The following VTA1 variants were observed in gnomAD, a reference collection of about 807,000 sequenced individuals.
The protein encoded by VTA1 is vesicle trafficking 1, also known as vacuolar protein sorting-associated protein VTA1 homolog.
Under a neutral mutation model 36.9 loss-of-function variants are expected in VTA1, and 24 were observed. That is an observed-to-expected ratio of 0.65 (90% CI 0.47 to 0.91). VTA1 has a LOEUF of 0.91. Ranked by LOEUF, VTA1 falls within the 40% of genes least tolerant of loss-of-function variation. VTA1 has a pLI of 0.00. For synonymous variants in VTA1, 142 were observed against 130.2 expected, an observed-to-expected ratio of 1.09 and a Z score of -0.62; for missense variants, 393 against 377.2, an observed-to-expected ratio of 1.04 and a Z score of -0.35.
intron 3 of VTA1, 23 bp from the exon 4 acceptor site, chr6:142,170,323 G>T: frequency 7.1e-7 from 1 of 1,404,472 alleles, no homozygotes; most frequent in Non-Finnish European, 9.4e-7. Flanking sequence ...ATTTAAACTA[G>T]ACCGCTCTCT....
At chr6:142,180,962 T>C (rs890275311) in intron 4 of VTA1, among the ~76,000 whole-genome samples, 8 of 151,058 alleles carry the variant, frequency 5.3e-5, no homozygotes, top group Non-Finnish European at 1.2e-4. Context: ...ATTGGGACTG[T>C]GGATCAGACT....
At chr6:142,195,354 A>G (rs1006405936) in intron 5 of VTA1, among the ~76,000 whole-genome samples, 3 of 151,962 alleles carry the variant, frequency 2.0e-5, no homozygotes, top group Non-Finnish European at 4.4e-5. Context: ...AGGTAGTGCC[A>G]TTTATTGGCG....
At chr6:142,196,189 T>A (rs1775549136) in intron 5 of VTA1, among the ~76,000 whole-genome samples, 2 of 152,212 alleles carry the variant, frequency 1.3e-5, no homozygotes, top group South Asian at 4.1e-4. Flanking sequence ...TGGTTACGAA[T>A]TCTATTTGGC....
chr6:142,187,423 A>G (rs1049739115), intron 4 of VTA1, among the ~76,000 whole-genome samples: 1 of 152,250 alleles, frequency 6.6e-6, no homozygotes, highest in East Asian at 1.9e-4. Flanking sequence ...AGCAAGAGCA[A>G]TTCCTCAAAT....
intron 2 of VTA1, among the ~76,000 whole-genome samples, chr6:142,169,188 A>G (rs890195858): frequency 6.6e-6 from 1 of 152,180 alleles, no homozygotes; most frequent in African/African-American, 2.4e-5. Flanking sequence ...TTATTTTCTA[A>G]TTCTATTTTT....
chr6:142,218,056 C>T (rs1161511549), intron 7 of VTA1, among the ~76,000 whole-genome samples: 3 of 152,026 alleles, frequency 2.0e-5, no homozygotes, highest in African/African-American at 7.2e-5. Context: ...TACTCTCATG[C>T]TTAAAACAAG....
chr6:142,206,746 A>G (rs1429225733), intron 7 of VTA1, among the ~76,000 whole-genome samples: 2 of 152,332 alleles, frequency 1.3e-5, no homozygotes, highest in East Asian at 1.9e-4. Flanking sequence ...AGAAGAACAG[A>G]CAAATAGATC....
intron 1 of VTA1, among the ~76,000 whole-genome samples, chr6:142,150,308 C>G (rs903839578): frequency 6.6e-6 from 1 of 152,204 alleles, no homozygotes; most frequent in African/African-American, 2.4e-5. Context: ...CCAGCGCTCT[C>G]CAAACTGGAG....
chr6:142,164,901 A>G (rs1270915766), intron 1 of VTA1, among the ~76,000 whole-genome samples: 1 of 152,208 alleles, frequency 6.6e-6, no homozygotes, highest in Non-Finnish European at 1.5e-5. Flanking sequence ...CAGCAAACCA[A>G]ATAGACTAAT....
At chr6:142,188,559 A>C (rs571460386) in intron 4 of VTA1, among the ~76,000 whole-genome samples, 56 of 152,230 alleles carry the variant, frequency 3.7e-4, no homozygotes, top group African/African-American at 1.3e-3. Flanking sequence ...TGTGCGTATA[A>C]ATCACCTGGT....
In VTA1 at chr6:142,168,265, AT is replaced by A. The variant is rs1000834296; in HGVS notation, c.208-1275del. Among the ~76,000 whole-genome samples, 18 of 149,920 alleles carry A rather than the reference AT, an allele frequency of 1.2e-4. No individual in the cohort carries two copies. In the East Asian group the frequency reaches 1.6e-3, roughly 13 times the overall value. ...ACACAAATTACTGTTATCTGTGGGG[AT>A]TTTTTTTTTCTTTTTTCTGTTCTTG... is the stretch of plus-strand genomic sequence containing the variant. On this transcript the variant is annotated intron_variant, in intron 2 of 7. Transcript: ENST00000367630.
chr6:142,218,836 A>G lies in VTA1; in HGVS notation c.*193A>G, dbSNP rs910640062. The G allele has an allele frequency of 5.2e-6, 3 of 576,122 alleles. No homozygotes were observed. The highest frequency in any genetic ancestry group is 3.9e-5 in the African/African-American group (2 of 51,526). The allele number at this position is 576,122 out of a possible 1,614,324, so 35.7% of individuals were successfully genotyped here. On this transcript the variant is annotated 3_prime_UTR_variant, in exon 8 of 8. Coordinates refer to ENST00000367630, the MANE Select transcript of VTA1 (RefSeq NM_016485.5). Reference sequence around the variant, plus strand: ...AACCAGTTTTCATTGTCCATTTACTAGATTCAATCGTCTCTGAGTATATAG... The same window carrying G: ...AACCAGTTTTCATTGTCCATTTACTGGATTCAATCGTCTCTGAGTATATAG...
In VTA1 at chr6:142,221,506, G is replaced by A. The variant is rs1249603126; in HGVS notation, c.*2863G>A. The A allele has an allele frequency of 1.3e-5, 2 of 152,064 alleles. No homozygotes were observed. Among genetic ancestry groups the A allele is most frequent in the African/African-American group, 4.8e-5 (2 of 41,402 alleles). 9.4% of individuals were successfully genotyped at this position (152,064 alleles called of 1,614,324 possible). The stretch of plus-strand genomic sequence containing the variant: ...TTAGGATCATAAAGCTTTTTTGTAA[G>A]ACACTTGACTGGGAGCTATATGGAA... On this transcript the variant is annotated 3_prime_UTR_variant, in exon 8 of 8. Transcript: ENST00000367630.
chr6:142,171,366 A>T (rs1308060055), intron 4 of VTA1, among the ~76,000 whole-genome samples: 1 of 152,206 alleles, frequency 6.6e-6, no homozygotes, highest in African/African-American at 2.4e-5. Flanking sequence ...AAGTGCTGGG[A>T]TTACAGGCAT....
At chr6:142,198,135 G>A (rs1386536433) in intron 5 of VTA1, among the ~76,000 whole-genome samples, 2 of 145,812 alleles carry the variant, frequency 1.4e-5, no homozygotes, top group African/African-American at 5.1e-5. Context: ...GTGTGTGTGT[G>A]TGTGTGTGTG....
At chr6:142,193,816 A>G (rs147640055) in intron 5 of VTA1, among the ~76,000 whole-genome samples, 2 of 152,064 alleles carry the variant, frequency 1.3e-5, no homozygotes, top group East Asian at 3.9e-4. Context: ...GGCCAGCAGT[A>G]CACTTCACTG....
At chr6:142,185,002 C>T (rs1376905884) in intron 4 of VTA1, among the ~76,000 whole-genome samples, 1 of 152,070 alleles carries the variant, frequency 6.6e-6, no homozygotes, top group Admixed American at 6.6e-5. Flanking sequence ...GTTTATTTAT[C>T]TTTATTCTCC....
At chr6:142,154,937 C>G (rs1778635330) in intron 1 of VTA1, among the ~76,000 whole-genome samples, 1 of 151,928 alleles carries the variant, frequency 6.6e-6, no homozygotes, top group Non-Finnish European at 1.5e-5. Context: ...ATTAAAAACG[C>G]AAGCAGATTT....
chr6:142,199,677 A>G (rs1484687801), intron 6 of VTA1, among the ~76,000 whole-genome samples: 1 of 152,098 alleles, frequency 6.6e-6, no homozygotes, highest in Non-Finnish European at 1.5e-5. Flanking sequence ...CTCCTATTTT[A>G]AAACTTACAA....
Sources: allele counts gnomAD v4.1 joint callset (sites outside exome capture counted in the v4.1 genomes callset), GRCh38; gene constraint gnomAD v4.1.1; transcripts MANE v1.5; gene names NCBI Gene and HGNC (gene_info 2026-07-23, HGNC 2026-07-21).